The following NCOA6 variants were observed in gnomAD, a reference collection of about 807,000 sequenced individuals.
The protein encoded by NCOA6 is nuclear receptor coactivator 6.
Under a neutral mutation model 171.4 loss-of-function variants are expected in NCOA6, and 49 were observed. That is an observed-to-expected ratio of 0.29 (90% confidence interval 0.23 to 0.36). The LOEUF (loss-of-function observed/expected upper bound fraction) is 0.36. Ranked by LOEUF, NCOA6 falls within the 10% of genes least tolerant of loss-of-function variation. The pLI, the probability that NCOA6 is intolerant of heterozygous loss-of-function variation, is 1.00. For synonymous variants in NCOA6, 910 were observed against 927.5 expected, an observed-to-expected ratio of 0.98 and a Z score of 0.34; for missense variants, 2,248 against 2,554.5, an observed-to-expected ratio of 0.88 and a Z score of 2.59.
intron 2 of NCOA6, among the ~76,000 whole-genome samples, chr20:34,785,876 TA>T (rs33961774): frequency 0.47 from 63,465 of 136,090 alleles, 14,074 homozygotes; most frequent in East Asian, 0.63. Flanking sequence ...ACACAGTACT[TA>T]AAAAAAAAAA....
At chr20:34,822,185 C>T (rs2079027377) in intron 1 of NCOA6, among the ~76,000 whole-genome samples, 1 of 152,120 alleles carries the variant, frequency 6.6e-6, no homozygotes, top group Non-Finnish European at 1.5e-5. Context: ...TTCCAAAGAA[C>T]ATCCATTTAT....
chr20:34,738,489 C>A (rs1162978453), intron 11 of NCOA6, among the ~76,000 whole-genome samples: 7 of 151,864 alleles, frequency 4.6e-5, no homozygotes, highest in Non-Finnish European at 1.0e-4. Flanking sequence ...ACACCAGGTT[C>A]CCTTTTAATT....
intron 1 of NCOA6, among the ~76,000 whole-genome samples, chr20:34,824,088 T>C (rs2079085228): frequency 6.6e-6 from 1 of 152,246 alleles, no homozygotes; most frequent in African/African-American, 2.4e-5. Flanking sequence ...GCCTATACTT[T>C]TTTGTATTCC....
chr20:34,752,899 G>C (rs2076531702), intron 8 of NCOA6, among the ~76,000 whole-genome samples: 1 of 132,338 alleles, frequency 7.6e-6, no homozygotes, highest in Non-Finnish European at 1.6e-5. Context: ...GGGCACAAGA[G>C]CAAAAACTCC....
Position 34,733,850 on chromosome 20 carries a change from CAAAAAAAAAAA to C in NCOA6, c.5963-1266_5963-1256del, listed in dbSNP as rs60649247. Reference sequence around the variant, plus strand: ...CTGGTGACAGAGCAAGACTCTGTCCCAAAAAAAAAAAAAAAAAAAAAAAAAAAAGGAAGGGA... The same window carrying C: ...CTGGTGACAGAGCAAGACTCTGTCCCAAAAAAAAAAAAAAAAAGGAAGGGA... On this transcript the variant is annotated intron_variant, in intron 12 of 14. Coordinates refer to ENST00000359003, the MANE Select transcript of NCOA6 (RefSeq NM_014071.5). Among the ~76,000 whole-genome samples, 7 of 44,384 alleles carry C rather than the reference CAAAAAAAAAAA, an allele frequency of 1.6e-4. 1 individual carries two copies. The highest frequency in any genetic ancestry group is 6.8e-4 in the African/African-American group (7 of 10,358). The allele number at this position is 44,384 out of a possible 152,430, so 29.1% of individuals were successfully genotyped here. A position where few individuals can be genotyped will look rare whatever the true frequency, so the allele number is the denominator to read the frequency against.
At position 34,788,957 on chromosome 20, in the gene NCOA6, A is replaced by C. The variant is rs138815249; in HGVS notation, c.-50+3493T>G. Among the ~76,000 whole-genome samples, 629 of 152,294 alleles carry C rather than the reference A, an allele frequency of 4.1e-3. 2 individuals carry two copies. Among genetic ancestry groups the C allele is most frequent in the African/African-American group, 0.014 (601 of 41,552 alleles). On this transcript the variant is annotated intron_variant, in intron 2 of 14. Transcript: ENST00000359003. ...CTCCGTCTCAAAAATAAATAAATAA[A>C]TAAATAAATCTCTTTAGCAGGTTGA...
chr20:34,765,910 G>C (rs1337669294), intron 5 of NCOA6, among the ~76,000 whole-genome samples: 1 of 152,168 alleles, frequency 6.6e-6, no homozygotes, highest in Admixed American at 6.5e-5. Flanking sequence ...TTGCTTATTA[G>C]CTAACTTTCT....
intron 4 of NCOA6, among the ~76,000 whole-genome samples, chr20:34,770,187 G>A (rs554842051): frequency 3.8e-4 from 57 of 151,812 alleles, no homozygotes; most frequent in African/African-American, 1.4e-3. Context: ...TTACAGGCAC[G>A]TGCCAATACA....
chr20:34,808,854 G>A (rs1020143890), intron 1 of NCOA6, among the ~76,000 whole-genome samples: 1 of 152,192 alleles, frequency 6.6e-6, no homozygotes, highest in Non-Finnish European at 1.5e-5. Flanking sequence ...GGCATCAGTT[G>A]TCCAAGCTCC....
chr20:34,757,128 C>T lies in NCOA6; in HGVS notation c.1528+92G>A, dbSNP rs548098329. ...ACAAAACCAAATAATTATATCCTTA[C>T]TCCACTCCCTCCATTAACTCTAAAA... On this transcript the variant is annotated intron_variant, in intron 7 of 14. Coordinates refer to ENST00000359003, the MANE Select transcript of NCOA6 (RefSeq NM_014071.5). The T allele has an allele frequency of 2.5e-5, 33 of 1,318,554 alleles. No individual in the cohort carries two copies. In the East Asian group the frequency reaches 7.7e-4, roughly 31 times the overall value. 81.7% of individuals were successfully genotyped at this position (1,318,554 alleles called of 1,614,324 possible).
At chr20:34,745,985 C>A (rs1247178270) in intron 10 of NCOA6, among the ~76,000 whole-genome samples, 1 of 152,076 alleles carries the variant, frequency 6.6e-6, no homozygotes, top group Admixed American at 6.5e-5. Context: ...AAATTATTAA[C>A]CTATGTGGTA....
intron 1 of NCOA6, among the ~76,000 whole-genome samples, chr20:34,802,086 C>CA (rs1362138736): frequency 1.3e-5 from 2 of 151,998 alleles, no homozygotes; most frequent in Non-Finnish European, 2.9e-5. Context: ...AAAGAAACAT[C>CA]AAAAAAAGAT....
At chr20:34,759,412 T>G (rs1383486024) in intron 5 of NCOA6, among the ~76,000 whole-genome samples, 1 of 126,790 alleles carries the variant, frequency 7.9e-6, no homozygotes, top group Non-Finnish European at 1.7e-5. Flanking sequence ...CAGATATATA[T>G]GTAGATACAG....
At chr20:34,772,342 G>C (rs2077175893) in intron 4 of NCOA6, among the ~76,000 whole-genome samples, 1 of 151,122 alleles carries the variant, frequency 6.6e-6, no homozygotes, top group Non-Finnish European at 1.5e-5. Context: ...TCCTAATTTA[G>C]ATGATAAATT....
intron 13 of NCOA6, among the ~76,000 whole-genome samples, chr20:34,727,635 T>C (rs1990123298): frequency 6.6e-6 from 1 of 152,010 alleles, no homozygotes; most frequent in Admixed American, 6.6e-5. Context: ...TAGTAAAGCA[T>C]AATGTTGGTG....
intron 1 of NCOA6, among the ~76,000 whole-genome samples, chr20:34,799,313 A>T (rs972199340): frequency 6.6e-6 from 1 of 152,236 alleles, no homozygotes; most frequent in Non-Finnish European, 1.5e-5. Context: ...AAAAGAATGA[A>T]GCACATCTAC....
chr20:34,744,158 T>C (rs1019150580), intron 10 of NCOA6, among the ~76,000 whole-genome samples: 2 of 152,200 alleles, frequency 1.3e-5, no homozygotes, highest in African/African-American at 4.8e-5. Context: ...AGAAATATTT[T>C]CCATGAATCC....
At chr20:34,765,498 A>G (rs1389181501) in intron 5 of NCOA6, among the ~76,000 whole-genome samples, 1 of 151,978 alleles carries the variant, frequency 6.6e-6, no homozygotes, top group African/African-American at 2.4e-5. Flanking sequence ...TCCTAATCCC[A>G]GAAAATTTCA....
chr20:34,809,223 CTAA>C (rs1417055884), intron 1 of NCOA6, among the ~76,000 whole-genome samples: 11 of 152,242 alleles, frequency 7.2e-5, no homozygotes, highest in African/African-American at 2.4e-4. Flanking sequence ...TTCAACATAA[CTAA>C]TAAGACATGA....
Sources: allele counts gnomAD v4.1 joint callset (sites outside exome capture counted in the v4.1 genomes callset), GRCh38; gene constraint gnomAD v4.1.1; transcripts MANE v1.5; gene names NCBI Gene and HGNC (gene_info 2026-07-23, HGNC 2026-07-21).